GALNT17: variants seen among roughly 807,000 people sequenced by gnomAD.
The protein encoded by GALNT17 is UDP-GalNAc:polypeptide N-acetylgalactosaminyltransferase-like 3.
Under a neutral mutation model 63.7 loss-of-function variants are expected in GALNT17, and 29 were observed. The observed-to-expected ratio is 0.46, with a 90% CI of 0.34 to 0.62. The LOEUF is 0.62. Ranked by LOEUF, GALNT17 falls within the 20% of genes least tolerant of loss-of-function variation. The pLI is 0.01. For missense variants in GALNT17, 603 were observed against 799.6 expected (o/e 0.75, Z 2.97); for synonymous variants, 305 against 318.3 (o/e 0.96, Z 0.45).
chr7:71,210,764 T>C (rs1056932662), intron 1 of GALNT17, among the ~76,000 whole-genome samples: 2 of 152,126 alleles, frequency 1.3e-5, no homozygotes, highest in East Asian at 3.9e-4. Context: ...ACTTTCCTCA[T>C]GTGTGAAGTA....
intron 6 of GALNT17, among the ~76,000 whole-genome samples, chr7:71,595,961 C>T (rs1019548084): frequency 2.0e-5 from 3 of 152,088 alleles, no homozygotes; most frequent in African/African-American, 7.2e-5. Flanking sequence ...TGTTGGCAAA[C>T]GTGAGATTAA....
chr7:71,218,809 C>G (rs10263365), intron 1 of GALNT17, among the ~76,000 whole-genome samples: 56,452 of 151,596 alleles, frequency 0.37, 10,853 homozygotes, highest in South Asian at 0.53. Flanking sequence ...AATGTCTGAT[C>G]ATCTGTCACC....
chr7:71,297,457 T>C (rs1441191836), intron 1 of GALNT17, among the ~76,000 whole-genome samples: 1 of 152,144 alleles, frequency 6.6e-6, no homozygotes, highest in East Asian at 1.9e-4. Flanking sequence ...GGTAGGAGAA[T>C]CACTTGAACC....
In GALNT17 at chr7:71,617,576, T is replaced by C. The variant is rs557907386; in HGVS notation, c.1080+46174T>C. On this transcript the variant is annotated intron_variant, in intron 6 of 10. Transcript: ENST00000333538. Reference sequence around the variant, plus strand: ...ACCTCGTGATCCACCTACCTTGGCCTCCCAAAGTGCCGGGTTTACAGGCAT... The same window carrying C: ...ACCTCGTGATCCACCTACCTTGGCCCCCCAAAGTGCCGGGTTTACAGGCAT... Among the ~76,000 whole-genome samples, 18 of 152,184 alleles carry C rather than the reference T, an allele frequency of 1.2e-4. No homozygotes were observed. The East Asian group carries it at 3.5e-3, about 30-fold the overall frequency.
At chr7:71,622,194 G>A (rs1190009477) in intron 6 of GALNT17, among the ~76,000 whole-genome samples, 1 of 152,192 alleles carries the variant, frequency 6.6e-6, no homozygotes, top group Non-Finnish European at 1.5e-5. Flanking sequence ...CTCCTAGAAT[G>A]GGCAACATGG....
At chr7:71,589,258 C>G (rs923831027) in intron 6 of GALNT17, among the ~76,000 whole-genome samples, 1 of 152,074 alleles carries the variant, frequency 6.6e-6, no homozygotes, top group Non-Finnish European at 1.5e-5. Context: ...AATGTTATTA[C>G]GTTAAATGGG....
intron 5 of GALNT17, among the ~76,000 whole-genome samples, chr7:71,444,863 A>G (rs998572131): frequency 1.3e-5 from 2 of 152,164 alleles, no homozygotes; most frequent in African/African-American, 4.8e-5. Context: ...GTTACCTGAA[A>G]AAAACTGGAG....
Position 71,571,308 on chromosome 7 carries a change from C to T in GALNT17, c.986C>T (p.Ser329Leu), listed in dbSNP as rs771622041. 3 of 1,614,034 alleles carry T rather than the reference C, an allele frequency of 1.9e-6. No homozygotes were observed. Among genetic ancestry groups the T allele is most frequent in the Non-Finnish European group, 2.5e-6 (3 of 1,179,928 alleles). ...PIRTPAMIGCSFVVNRKFFGE... is the reference protein window; with the variant it reads ...PIRTPAMIGCLFVVNRKFFGE... ...AGGACCCCAGCCATGATAGGCTGCTCGTTCGTGGTCAACAGGAAGTTCTTC... is the reference window on the plus strand; with the variant it reads ...AGGACCCCAGCCATGATAGGCTGCTTGTTCGTGGTCAACAGGAAGTTCTTC... Residue 329 changes from serine (S) to leucine (L), a missense_variant, in exon 6 of 11, where the codon TCG becomes TTG. By Grantham distance (145) the Ser-to-Leu change is moderately radical. Transcript: ENST00000333538.
At chr7:71,488,889 CTTTTTTTTTT>C (rs369124996) in intron 5 of GALNT17, among the ~76,000 whole-genome samples, 4 of 54,724 alleles carry the variant, frequency 7.3e-5, no homozygotes, top group Non-Finnish European at 1.2e-4. Flanking sequence ...GCCAGGTTTC[CTTTTTTTTTT>C]TTTTTTTTTT....
chr7:71,579,004 G>T (rs1226508073), intron 6 of GALNT17, among the ~76,000 whole-genome samples: 1 of 152,104 alleles, frequency 6.6e-6, no homozygotes, highest in African/African-American at 2.4e-5. Context: ...TTTGCATCAT[G>T]GTCCATCCCA....
rs189264049 is a variant in GALNT17, at chr7:71,510,097, A to C, written c.963-61188A>C. Among the ~76,000 whole-genome samples, 339 of 152,124 alleles carry C rather than the reference A, an allele frequency of 2.2e-3. 3 individuals carry two copies. The highest frequency in any genetic ancestry group is 1.9e-3 in the Admixed American group (29 of 15,262). ...GTAGCTGGGGCTACAGGTGTGCACCACTGCGCCTGGCTAATGTTTTTTAAT... is the reference window on the plus strand; with the variant it reads ...GTAGCTGGGGCTACAGGTGTGCACCCCTGCGCCTGGCTAATGTTTTTTAAT... On this transcript the variant is annotated intron_variant, in intron 5 of 10. Coordinates refer to ENST00000333538, the MANE Select transcript of GALNT17 (RefSeq NM_022479.3).
chr7:71,669,936 A>T, intron 7 of GALNT17, 36 bp from the exon 8 acceptor site: 1 of 1,611,918 alleles, frequency 6.2e-7, no homozygotes, highest in Non-Finnish European at 8.5e-7. Context: ...AGAGCTCCAC[A>T]GTCACTAACA....
intron 2 of GALNT17, among the ~76,000 whole-genome samples, chr7:71,342,569 A>G (rs530127888): frequency 1.3e-5 from 2 of 152,288 alleles, no homozygotes; most frequent in Admixed American, 6.5e-5. Flanking sequence ...TAAACAAACT[A>G]TACTTCCCAT....
At chr7:71,618,778 A>G (rs944515942) in intron 6 of GALNT17, among the ~76,000 whole-genome samples, 2 of 152,028 alleles carry the variant, frequency 1.3e-5, no homozygotes, top group African/African-American at 4.8e-5. Flanking sequence ...TGCTCTGTTG[A>G]TAGTTTCTTT....
chr7:71,701,739 A>ATG (rs1157615332), intron 9 of GALNT17, among the ~76,000 whole-genome samples: 2 of 20,442 alleles, frequency 9.8e-5, no homozygotes, highest in Non-Finnish European at 2.4e-4. Flanking sequence ...ATATATATAT[A>ATG]TGTGTATATA....
In GALNT17 at chr7:71,213,790, A is replaced by G. The variant is rs150858305; in HGVS notation, c.238+80750A>G. 6.6e-5 allele frequency among the ~76,000 whole-genome samples: 10 copies of G among 152,196 alleles called. No homozygotes were observed. The East Asian group carries it at 1.7e-3, about 26-fold the overall frequency. ...ATCATTCTTTTGACATCTCTTTCCA[A>G]TTATAACTGCAAAATCCTGGCCATT... On this transcript the variant is annotated intron_variant, in intron 1 of 10. Transcript: ENST00000333538.
chr7:71,470,591 G>A (rs1028977759), intron 5 of GALNT17, among the ~76,000 whole-genome samples: 2 of 152,072 alleles, frequency 1.3e-5, no homozygotes, highest in African/African-American at 4.8e-5. Flanking sequence ...GAGACGATGT[G>A]ATATAAAAAC....
At chr7:71,160,366 C>T (rs539014912) in intron 1 of GALNT17, among the ~76,000 whole-genome samples, 1 of 152,148 alleles carries the variant, frequency 6.6e-6, no homozygotes, top group Admixed American at 6.6e-5. Flanking sequence ...CGTTGAGTTC[C>T]TTCAATGATT....
At chr7:71,566,346 G>A (rs1316986284) in intron 5 of GALNT17, among the ~76,000 whole-genome samples, 1 of 152,144 alleles carries the variant, frequency 6.6e-6, no homozygotes, top group African/African-American at 2.4e-5. Context: ...GTTTGCCTCT[G>A]AGAGGTTAGA....
Sources: gnomAD v4.1 joint callset for allele counts (sites outside exome capture counted in the v4.1 genomes callset) on GRCh38, gnomAD v4.1.1 for gene constraint, MANE v1.5 for transcripts, NCBI Gene and HGNC (gene_info 2026-07-23, HGNC 2026-07-21) for gene names.